The following LYZL1 variants were observed in gnomAD, a reference collection of about 807,000 sequenced individuals.
The protein encoded by LYZL1 is lysozyme-like protein 1.
LYZL1 carries 16 observed loss-of-function variants against 17.9 expected under a neutral mutation model. The observed-to-expected ratio is 0.90, with a 90% CI of 0.61 to 1.36. The LOEUF is 1.36. LYZL1 is among the 40% of genes most tolerant of loss of function. The pLI, the probability that LYZL1 is intolerant of heterozygous loss-of-function variation, is 0.00. For missense variants in LYZL1, 149 were observed against 188.4 expected (o/e 0.79, Z 1.22); for synonymous variants, 58 against 71.8 (o/e 0.81, Z 0.97).
intron 3 of LYZL1, among the ~76,000 whole-genome samples, chr10:29,301,930 T>A (rs1835524370): frequency 6.6e-6 from 1 of 152,086 alleles, no homozygotes; most frequent in Non-Finnish European, 1.5e-5. Flanking sequence ...TTAATGCTAA[T>A]CTATTAAGCT....
chr10:29,314,152 C>T (rs1347728843), downstream of LYZL1, among the ~76,000 whole-genome samples: 1 of 152,166 alleles, frequency 6.6e-6, no homozygotes, highest in Non-Finnish European at 1.5e-5. Flanking sequence ...CTATTCAAGC[C>T]TGGCCCAGCC....
At position 29,292,565 on chromosome 10, in the gene LYZL1, G is replaced by T. The variant is rs1274089697; in HGVS notation, c.186G>T (p.Gln62His). ...AGAGCGGCTACAACACCACAGCCCA[G>T]ACGGTCCTGGATGACGGCAGCATCG... is the stretch of plus-strand genomic sequence containing the variant. ...YYESGYNTTAQTVLDDGSIDY... is the reference protein window; with the variant it reads ...YYESGYNTTAHTVLDDGSIDY... Residue 62 changes from glutamine to histidine, a missense_variant, in exon 3 of 5, where the codon CAG becomes CAT. This residue lies in a region of LYZL1 where 130 missense variants were observed against 132.5 expected (regional missense o/e 0.98). Coordinates refer to ENST00000649382, the MANE Select transcript of LYZL1 (RefSeq NM_032517.6). The T allele has an allele frequency of 6.2e-7, 1 of 1,614,116 alleles. No individual in the cohort carries two copies. The highest frequency in any genetic ancestry group is 8.5e-7 in the Non-Finnish European group (1 of 1,180,036).
At chr10:29,313,680 AT>A (rs529793227), downstream of LYZL1, among the ~76,000 whole-genome samples, 24 of 152,360 alleles carry the variant, frequency 1.6e-4, no homozygotes, top group African/African-American at 5.8e-4. Flanking sequence ...ATAATTTTCC[AT>A]AATTAAAGCC....
At chr10:29,295,196 G>A (rs974093351) in intron 3 of LYZL1, among the ~76,000 whole-genome samples, 2 of 152,166 alleles carry the variant, frequency 1.3e-5, no homozygotes, top group African/African-American at 4.8e-5. Context: ...TTGTTGGTCA[G>A]CCCTTAATTT....
downstream of LYZL1, among the ~76,000 whole-genome samples, chr10:29,316,088 T>G (rs1267034616): frequency 2.0e-5 from 3 of 152,102 alleles, no homozygotes; most frequent in African/African-American, 4.8e-5. Context: ...ACATCCAGCT[T>G]GCAGAGGAGT....
intron 1 of LYZL1, among the ~76,000 whole-genome samples, chr10:29,291,595 A>AT (rs918862703): frequency 8.6e-5 from 13 of 151,874 alleles, no homozygotes; most frequent in East Asian, 1.9e-4. Context: ...AGGAGGGTTA[A>AT]TTTTTTTGCT....
intron 3 of LYZL1, among the ~76,000 whole-genome samples, chr10:29,299,868 A>G (rs1206181799): frequency 6.6e-6 from 1 of 152,224 alleles, no homozygotes; most frequent in Non-Finnish European, 1.5e-5. Context: ...TTGCTTTTAT[A>G]TCCATTCTGG....
intron 3 of LYZL1, among the ~76,000 whole-genome samples, chr10:29,306,838 TTGAG>T (rs1835602793): frequency 1.1e-5 from 1 of 94,408 alleles, no homozygotes; most frequent in Non-Finnish European, 2.2e-5. Context: ...GTGAAAGAGA[TTGAG>T]AGAGAGAGAG....
At chr10:29,293,115 TTC>T (rs1835397186) in intron 3 of LYZL1, among the ~76,000 whole-genome samples, 1 of 122,792 alleles carries the variant, frequency 8.1e-6, no homozygotes, top group Non-Finnish European at 1.8e-5. Flanking sequence ...TTCTTTTTTT[TTC>T]TTTTCTTTTC....
downstream of LYZL1, among the ~76,000 whole-genome samples, chr10:29,314,296 T>C (rs74131346): frequency 0.084 from 12,747 of 152,246 alleles, 620 homozygotes; most frequent in South Asian, 0.13. Context: ...CTGGACCATG[T>C]CCTTCACTGC....
intron 3 of LYZL1, among the ~76,000 whole-genome samples, chr10:29,296,659 A>G (rs1194984705): frequency 6.6e-6 from 1 of 152,186 alleles, no homozygotes; most frequent in African/African-American, 2.4e-5. Context: ...TCCAACCACC[A>G]TCTCCACTCA....
At chr10:29,313,147 T>C (rs948403607), downstream of LYZL1, among the ~76,000 whole-genome samples, 1 of 152,154 alleles carries the variant, frequency 6.6e-6, no homozygotes, top group African/African-American at 2.4e-5. Flanking sequence ...TTTCTAAACA[T>C]ACATGTCATC....
chr10:29,289,705 C>A (rs1266394253), intron 1 of LYZL1, among the ~76,000 whole-genome samples: 2 of 152,204 alleles, frequency 1.3e-5, no homozygotes, highest in Non-Finnish European at 2.9e-5. Context: ...AGGTATCACC[C>A]ACCATGCCTG....
At chr10:29,304,318 T>C (rs1189554708) in intron 3 of LYZL1, among the ~76,000 whole-genome samples, 1 of 152,178 alleles carries the variant, frequency 6.6e-6, no homozygotes, top group Admixed American at 6.5e-5. Flanking sequence ...GAAAAAATGA[T>C]TATTGACTCT....
intron 3 of LYZL1, among the ~76,000 whole-genome samples, chr10:29,298,376 T>C (rs1399147174): frequency 6.6e-6 from 1 of 152,154 alleles, no homozygotes; most frequent in Non-Finnish European, 1.5e-5. Context: ...ATTATATGTA[T>C]ATGCCAACCT....
intron 3 of LYZL1, 24 bp downstream of exon 3, chr10:29,292,701 T>C (rs1835388956): frequency 1.9e-6 from 3 of 1,604,624 alleles, no homozygotes; most frequent in Admixed American, 1.7e-5. Flanking sequence ...TTTCCAGTGA[T>C]GCCATCCTCA....
At chr10:29,303,998 C>T (rs936448472) in intron 3 of LYZL1, among the ~76,000 whole-genome samples, 2 of 152,108 alleles carry the variant, frequency 1.3e-5, no homozygotes, top group African/African-American at 2.4e-5. Context: ...TGGGCTCAAG[C>T]GATCCTCCCA....
chr10:29,311,920 C>T (rs1228637769), downstream of LYZL1, among the ~76,000 whole-genome samples: 1 of 151,924 alleles, frequency 6.6e-6, no homozygotes, highest in Admixed American at 6.6e-5. Context: ...GATCATGCCG[C>T]TGTACTCCAG....
At chr10:29,298,836 A>G (rs1222305222) in intron 3 of LYZL1, among the ~76,000 whole-genome samples, 2 of 152,132 alleles carry the variant, frequency 1.3e-5, no homozygotes, top group Non-Finnish European at 1.5e-5. Flanking sequence ...CAGAAGACCA[A>G]TTTTCCATGA....
Sources: gnomAD v4.1 joint callset for allele counts (sites outside exome capture counted in the v4.1 genomes callset) on GRCh38, gnomAD v4.1.1 for gene constraint, gnomAD v4.1.1 regional missense constraint, MANE v1.5 for transcripts, NCBI Gene and HGNC (gene_info 2026-07-23, HGNC 2026-07-21) for gene names.